KIAA1671: variants seen among roughly 807,000 people sequenced by gnomAD.
KIAA1671 encodes the protein KIAA1671, also known as uncharacterized protein KIAA1671.
Under a neutral mutation model 131.2 loss-of-function variants are expected in KIAA1671, and 52 were observed. That is an observed-to-expected ratio of 0.40 (90% CI 0.32 to 0.50). KIAA1671 has a LOEUF of 0.50. KIAA1671 is among the 20% of genes least tolerant of loss of function. The pLI is 0.73. For synonymous variants in KIAA1671, 1,003 were observed against 961.6 expected, an observed-to-expected ratio of 1.04 and a Z score of -0.80; for missense variants, 2,360 against 2,364.2, an observed-to-expected ratio of 1.00 and a Z score of 0.04.
chr22:25,007,438 A>G (rs1243319431), intron 1 of KIAA1671, among the ~76,000 whole-genome samples: 1 of 151,700 alleles, frequency 6.6e-6, no homozygotes, highest in East Asian at 1.9e-4. Context: ...GTGAGCCGAG[A>G]TCACGCCATG....
At chr22:25,020,786 C>T (rs1404536426) in intron 1 of KIAA1671, among the ~76,000 whole-genome samples, 1 of 152,182 alleles carries the variant, frequency 6.6e-6, no homozygotes, top group African/African-American at 2.4e-5. Context: ...GTTTTGTGGC[C>T]TGTCTGGGGT....
chr22:25,024,551 G>T (rs1925834313), intron 1 of KIAA1671: 1 of 152,184 alleles, frequency 6.6e-6, no homozygotes, highest in Non-Finnish European at 1.5e-5. Context: ...CTGTCATTCA[G>T]TAGCCACAGC....
At chr22:25,091,606 A>G (rs1930032953) in intron 6 of KIAA1671, among the ~76,000 whole-genome samples, 1 of 152,216 alleles carries the variant, frequency 6.6e-6, no homozygotes, top group South Asian at 2.1e-4. Context: ...ATTTCTGCAT[A>G]GAAAACTAAA....
At chr22:25,137,375 C>G (rs910552817) in intron 6 of KIAA1671, among the ~76,000 whole-genome samples, 1 of 152,124 alleles carries the variant, frequency 6.6e-6, no homozygotes, top group Non-Finnish European at 1.5e-5. Context: ...TGTTACCAGG[C>G]CTGTGGTAAC....
At chr22:24,997,669 G>A (rs1924210660) in intron 1 of KIAA1671, among the ~76,000 whole-genome samples, 1 of 152,072 alleles carries the variant, frequency 6.6e-6, no homozygotes, top group African/African-American at 2.4e-5. Context: ...TGAGGGGTGT[G>A]GACTTCATTT....
intron 1 of KIAA1671, among the ~76,000 whole-genome samples, chr22:25,000,207 T>A: frequency 1.2e-5 from 1 of 83,254 alleles, no homozygotes; most frequent in African/African-American, 4.7e-5. Flanking sequence ...TTTTTTTTTT[T>A]TTTTGAGACG....
chr22:25,044,026 G>C (rs1038490834), intron 5 of KIAA1671, among the ~76,000 whole-genome samples: 1 of 132,806 alleles, frequency 7.5e-6, no homozygotes, highest in African/African-American at 3.4e-5. Flanking sequence ...ATGATCATGC[G>C]GTGAGGATTT....
intron 7 of KIAA1671, among the ~76,000 whole-genome samples, chr22:25,173,886 T>A (rs1933932762): frequency 6.6e-6 from 1 of 152,214 alleles, no homozygotes; most frequent in African/African-American, 2.4e-5. Flanking sequence ...GTGTGTAAGA[T>A]GCTCACGGCA....
At chr22:24,974,666 C>T (rs1399287825) in intron 1 of KIAA1671, among the ~76,000 whole-genome samples, 1 of 146,990 alleles carries the variant, frequency 6.8e-6, no homozygotes, top group Non-Finnish European at 1.5e-5. Flanking sequence ...ATATAATTCA[C>T]TTATCATCCA....
rs142344848 is a variant in KIAA1671 at position 25,099,041 on chromosome 22, C to T, written c.4530+49677C>T. Among the ~76,000 whole-genome samples, 30 of 152,138 alleles carry T rather than the reference C, an allele frequency of 2.0e-4. 2 individuals are homozygous for T. The highest frequency in any genetic ancestry group is 8.3e-4 in the South Asian group (4 of 4,820). Reference sequence around the variant, plus strand: ...CTGCACAGCTGAGTGATGGAAATGACGGGGGTGGGGCGTGGTACCACTGTT... The same window carrying T: ...CTGCACAGCTGAGTGATGGAAATGATGGGGGTGGGGCGTGGTACCACTGTT... On this transcript the variant is annotated intron_variant, in intron 6 of 12. Coordinates refer to ENST00000358431, the MANE Select transcript of KIAA1671 (RefSeq NM_001145206.2).
intron 6 of KIAA1671, among the ~76,000 whole-genome samples, chr22:25,089,763 C>T (rs148561083): frequency 9.1e-4 from 139 of 152,310 alleles, no homozygotes; most frequent in African/African-American, 2.3e-3. Flanking sequence ...ACAGACATGT[C>T]GGTCATTTCC....
At chr22:25,044,314 A>G (rs1927106219) in intron 5 of KIAA1671, among the ~76,000 whole-genome samples, 1 of 152,160 alleles carries the variant, frequency 6.6e-6, no homozygotes, top group South Asian at 2.1e-4. Context: ...GCTTCCTGAG[A>G]AGGGTTTCAT....
chr22:25,070,245 T>C (rs887070776), intron 6 of KIAA1671: 2 of 405,284 alleles, frequency 4.9e-6, no homozygotes, highest in African/African-American at 4.1e-5. Flanking sequence ...TGAGCCGGCT[T>C]CTGAATGATT....
intron 6 of KIAA1671, among the ~76,000 whole-genome samples, chr22:25,153,366 G>A (rs2145980869): frequency 6.6e-6 from 1 of 152,284 alleles, no homozygotes; most frequent in East Asian, 1.9e-4. Flanking sequence ...GTGATGGAAT[G>A]GGGTGCTACT....
chr22:25,181,747 C>CT lies in KIAA1671; in HGVS notation c.5123_5124insT (p.Lys1709GlnfsTer3), dbSNP rs751483476. 5 of 1,551,606 alleles carry CT rather than the reference C, an allele frequency of 3.2e-6. No individual in the cohort carries two copies. In the East Asian group the frequency reaches 1.2e-4, roughly 38 times the overall value. On this transcript the variant is annotated frameshift_variant, in exon 10 of 13. Transcript: ENST00000358431. LOFTEE classifies it high-confidence loss of function. Reference sequence around the variant, plus strand: ...GAGTCGGATGAGGAGGAGACGGCATCCAAAGCTGAGAGGACCCCTGTCAGC... The same window carrying CT: ...GAGTCGGATGAGGAGGAGACGGCATCTCAAAGCTGAGAGGACCCCTGTCAGC...
chr22:25,030,177 C>T (rs1218019017), intron 3 of KIAA1671, among the ~76,000 whole-genome samples: 1 of 152,296 alleles, frequency 6.6e-6, no homozygotes, highest in South Asian at 2.1e-4. Context: ...TGTTCTAAGT[C>T]AGCTGGTTAA....
intron 6 of KIAA1671, among the ~76,000 whole-genome samples, chr22:25,084,398 C>T (rs966401110): frequency 2.8e-5 from 4 of 143,116 alleles, no homozygotes; most frequent in South Asian, 2.2e-4. Context: ...TCGCTTGAAT[C>T]GGGAGGTGGA....
intron 1 of KIAA1671, chr22:25,024,147 G>A (rs1212628920): frequency 6.6e-6 from 1 of 152,140 alleles, no homozygotes; most frequent in Non-Finnish European, 1.5e-5. Context: ...CGTGGACCAA[G>A]GGACTTAATT....
intron 6 of KIAA1671, among the ~76,000 whole-genome samples, chr22:25,108,979 T>C (rs564951522): frequency 7.2e-5 from 11 of 152,324 alleles, no homozygotes; most frequent in Admixed American, 1.3e-4. Context: ...ATTCTCTCCA[T>C]GTGGGTTTCT....
Sources: allele counts gnomAD v4.1 joint callset (sites outside exome capture counted in the v4.1 genomes callset), GRCh38; gene constraint gnomAD v4.1.1; transcripts MANE v1.5; gene names NCBI Gene and HGNC (gene_info 2026-07-23, HGNC 2026-07-21).